The following KIF16B variants were observed in gnomAD, a reference collection of about 807,000 sequenced individuals.
KIF16B encodes the protein kinesin-like protein KIF16B.
KIF16B carries 98 observed loss-of-function variants against 156.3 expected under a neutral mutation model. That is an observed-to-expected ratio of 0.63 (90% CI 0.53 to 0.74). KIF16B has a LOEUF of 0.74. Among genes scored for constraint, KIF16B ranks in the 30% least tolerant of loss-of-function variants. The pLI is 0.00. For synonymous variants in KIF16B, 564 were observed against 583.7 expected (o/e 0.97, Z 0.49); for missense variants, 1,421 against 1,606.5 (o/e 0.88, Z 1.97).
At chr20:16,355,406 T>C (rs1013782448) in intron 23 of KIF16B, among the ~76,000 whole-genome samples, 1 of 152,196 alleles carries the variant, frequency 6.6e-6, no homozygotes, top group Non-Finnish European at 1.5e-5. Flanking sequence ...AAACTGAGGA[T>C]CAGATGACTT....
At chr20:16,502,508 G>A (rs972115733) in intron 10 of KIF16B, among the ~76,000 whole-genome samples, 1 of 152,048 alleles carries the variant, frequency 6.6e-6, no homozygotes, top group Non-Finnish European at 1.5e-5. Context: ...AATGCGTTCT[G>A]AAATAGACTT....
chr20:16,379,344 C>A lies in KIF16B; in HGVS notation c.2658G>T (p.Thr886=). 6.2e-7 allele frequency: 1 copy of A among 1,605,632 alleles called. No individual in the cohort carries two copies. Among genetic ancestry groups the A allele is most frequent in the Non-Finnish European group, 8.5e-7 (1 of 1,176,600 alleles). The change falls in exon 19 of 26, where the codon ACG becomes ACT. Residue 886 remains threonine, a synonymous_variant. Transcript: ENST00000354981. ...TTTTCTCGAAATCTTGAGGCACTTC[C>A]GTGACATCTGTGACACTCTCATCAT... is the stretch of plus-strand genomic sequence containing the variant. ...EKHDESVTDV[T]EVPQDFEKIK... is the part of the protein sequence containing the mutation.
intron 1 of KIF16B, among the ~76,000 whole-genome samples, chr20:16,547,329 C>T (rs1174365759): frequency 6.6e-6 from 1 of 152,202 alleles, no homozygotes; most frequent in African/African-American, 2.4e-5. Context: ...AATATCATGG[C>T]TCATGCCCTT....
rs768704081 is a variant in KIF16B, at chr20:16,273,412, C to T, written c.3796-1G>A. 5 of 1,613,928 alleles carry T rather than the reference C, an allele frequency of 3.1e-6. No homozygotes were observed. The South Asian group carries it at 5.5e-5, about 18-fold the overall frequency. On this transcript the variant is annotated splice_acceptor_variant, in intron 25 of 25. Transcript: ENST00000354981. LOFTEE classifies it high-confidence loss of function. ...CGCTGAAAAAGTCCCTGAGGTATTT[C>T]TGTGGAAGAGACAAGAGTTAAGAAC...
chr20:16,477,818 C>T (rs997790435), intron 12 of KIF16B, among the ~76,000 whole-genome samples: 10 of 152,080 alleles, frequency 6.6e-5, no homozygotes, highest in African/African-American at 2.4e-4. Flanking sequence ...AGAGAAACAG[C>T]TATGGCTTAG....
intron 22 of KIF16B, among the ~76,000 whole-genome samples, chr20:16,359,195 T>A (rs886316972): frequency 1.3e-5 from 2 of 152,182 alleles, no homozygotes; most frequent in Non-Finnish European, 2.9e-5. Flanking sequence ...CCAAATCTCA[T>A]GAGGAGTTGT....
At chr20:16,324,126 C>T (rs764466) in intron 24 of KIF16B, among the ~76,000 whole-genome samples, 7,247 of 152,036 alleles carry the variant, frequency 0.048, 222 homozygotes, top group Non-Finnish European at 0.076. Flanking sequence ...AGTGTATTTT[C>T]CATTTCTTAC....
At chr20:16,571,384 C>T (rs1406255876) in intron 1 of KIF16B, among the ~76,000 whole-genome samples, 1 of 152,092 alleles carries the variant, frequency 6.6e-6, no homozygotes, top group African/African-American at 2.4e-5. Context: ...TAACATCACG[C>T]GAATCTGCCT....
intron 17 of KIF16B, among the ~76,000 whole-genome samples, chr20:16,394,765 CGAGT>C (rs1321488343): frequency 2.6e-5 from 4 of 152,056 alleles, no homozygotes; most frequent in African/African-American, 9.7e-5. Context: ...AAAGTAGCAG[CGAGT>C]GAGTGAGAAG....
At chr20:16,540,398 T>C (rs1332838948) in intron 1 of KIF16B, among the ~76,000 whole-genome samples, 2 of 152,184 alleles carry the variant, frequency 1.3e-5, no homozygotes, top group Non-Finnish European at 2.9e-5. Context: ...ACAGTTAAAA[T>C]AAATTTAGTT....
At chr20:16,384,768 A>G (rs1042387564) in intron 17 of KIF16B, among the ~76,000 whole-genome samples, 2 of 152,114 alleles carry the variant, frequency 1.3e-5, no homozygotes, top group Non-Finnish European at 2.9e-5. Flanking sequence ...TCAGAACCCC[A>G]TGCTCATGTG....
chr20:16,417,432 G>A (rs6135748), intron 15 of KIF16B, among the ~76,000 whole-genome samples: 15,057 of 152,192 alleles, frequency 0.099, 934 homozygotes, highest in East Asian at 0.37. Context: ...ATCCAGCTAG[G>A]TAAACTGTCT....
At chr20:16,405,135 G>T (rs539510307) in intron 16 of KIF16B, among the ~76,000 whole-genome samples, 1 of 152,224 alleles carries the variant, frequency 6.6e-6, no homozygotes, top group East Asian at 1.9e-4. Flanking sequence ...CTAGGGCTGG[G>T]GAAATTCATC....
At chr20:16,568,819 CAAAAAAAAAAA>C (rs57421025) in intron 1 of KIF16B, among the ~76,000 whole-genome samples, 72 of 55,510 alleles carry the variant, frequency 1.3e-3, no homozygotes, top group Non-Finnish European at 1.9e-3. Flanking sequence ...GACCCTGTCT[CAAAAAAAAAAA>C]AAAAAAAAAA....
chr20:16,560,595 T>C (rs1220968266), intron 1 of KIF16B, among the ~76,000 whole-genome samples: 1 of 152,152 alleles, frequency 6.6e-6, no homozygotes, highest in Non-Finnish European at 1.5e-5. Flanking sequence ...TCACCTGAGC[T>C]CAGGAGTTCA....
At chr20:16,340,396 ATATATCTT>A (rs1475019882) in intron 23 of KIF16B, among the ~76,000 whole-genome samples, 3 of 152,162 alleles carry the variant, frequency 2.0e-5, no homozygotes, top group African/African-American at 7.2e-5. Context: ...GGATTTACTA[ATATATCTT>A]GTTTCTTGCC....
At position 16,569,591 on chromosome 20, in the gene KIF16B, A is replaced by G. The variant is rs189576488; in HGVS notation, c.47+3638T>C. On this transcript the variant is annotated intron_variant, in intron 1 of 25. Transcript: ENST00000354981. ...TAGTTTAGAAACTCAGTCAAACTCA[A>G]TACTCCACCACCAGCAGTCCTTACT... Among the ~76,000 whole-genome samples, 292 of 152,310 alleles carry G rather than the reference A, an allele frequency of 1.9e-3. 1 individual carries two copies. Among genetic ancestry groups the G allele is most frequent in the Middle Eastern group, 0.017 (5 of 294 alleles).
chr20:16,536,761 G>A (rs1178105714), intron 1 of KIF16B, among the ~76,000 whole-genome samples: 1 of 152,044 alleles, frequency 6.6e-6, no homozygotes, highest in Non-Finnish European at 1.5e-5. Flanking sequence ...AAAGAAAGGA[G>A]GAAGGCAGAC....
intron 20 of KIF16B, among the ~76,000 whole-genome samples, chr20:16,372,624 T>C (rs905692704): frequency 2.6e-5 from 4 of 152,256 alleles, no homozygotes; most frequent in African/African-American, 7.2e-5. Context: ...ATCTTTGTAA[T>C]GGCAGAGACT....
Sources: gnomAD v4.1 joint callset for allele counts (sites outside exome capture counted in the v4.1 genomes callset) on GRCh38, gnomAD v4.1.1 for gene constraint, MANE v1.5 for transcripts, NCBI Gene and HGNC (gene_info 2026-07-23, HGNC 2026-07-21) for gene names.